The following GLG1 variants were observed in gnomAD, a reference collection of about 807,000 sequenced individuals.
GLG1 encodes the protein Golgi apparatus protein 1.
In GLG1, 38 loss-of-function variants were observed where a neutral mutation model predicts 160.5. That is an observed-to-expected ratio of 0.24 (90% CI 0.18 to 0.31). The LOEUF is 0.31. GLG1 is among the 10% of genes least tolerant of loss of function. The pLI is 1.00. For synonymous variants in GLG1, 644 were observed against 543.4 expected (o/e 1.19, Z -2.57); for missense variants, 1,373 against 1,505.2 (o/e 0.91, Z 1.45).
Position 74,496,684 on chromosome 16 carries a change from A to G in GLG1, c.775-40T>C, listed in dbSNP as rs370850575. The G allele has an allele frequency of 3.2e-5, 41 of 1,282,040 alleles. No individual in the cohort carries two copies. In the African/African-American group the frequency reaches 5.6e-4, roughly 17 times the overall value. The allele number at this position is 1,282,040 out of a possible 1,614,324, so 79.4% of individuals were successfully genotyped here. ...ATATTAATATTTTAAAACTTTTATCACATGGGTTTCAAATAAACAACATTT... is the reference window on the plus strand; with the variant it reads ...ATATTAATATTTTAAAACTTTTATCGCATGGGTTTCAAATAAACAACATTT... On this transcript the variant is annotated intron_variant, in intron 4 of 25. Transcript: ENST00000422840.
chr16:74,523,812 T>G (rs1026457501), intron 2 of GLG1, among the ~76,000 whole-genome samples: 1 of 152,200 alleles, frequency 6.6e-6, no homozygotes, highest in Non-Finnish European at 1.5e-5. Context: ...GTTCATCTGT[T>G]AAGTACTTGC....
intron 1 of GLG1, among the ~76,000 whole-genome samples, chr16:74,551,945 T>C (rs992156073): frequency 1.3e-5 from 2 of 151,524 alleles, no homozygotes; most frequent in Non-Finnish European, 2.9e-5. Context: ...AATATCTTTC[T>C]AGTTTTCCTT....
At chr16:74,575,121 C>CCTG (rs2018965111) in intron 1 of GLG1, among the ~76,000 whole-genome samples, 3 of 145,854 alleles carry the variant, frequency 2.1e-5, no homozygotes, top group Non-Finnish European at 4.5e-5. Context: ...ATGGTGGGTG[C>CCTG]CTGTAATCCC....
At chr16:74,506,086 T>TC (rs1261900560) in intron 3 of GLG1, among the ~76,000 whole-genome samples, 1 of 148,740 alleles carries the variant, frequency 6.7e-6, no homozygotes, top group East Asian at 1.9e-4. Context: ...AAAAGATTTT[T>TC]TTTTTTTTTT....
intron 1 of GLG1, among the ~76,000 whole-genome samples, chr16:74,590,538 G>C (rs1055130716): frequency 1.3e-5 from 2 of 150,026 alleles, no homozygotes; most frequent in Non-Finnish European, 3.0e-5. Context: ...GGAGAATGGC[G>C]TGAATCCAGG....
chr16:74,545,577 T>C (rs1181871512), intron 1 of GLG1, among the ~76,000 whole-genome samples: 1 of 152,264 alleles, frequency 6.6e-6, no homozygotes, highest in Non-Finnish European at 1.5e-5. Flanking sequence ...TACACAAATT[T>C]AAATTCAGAT....
intron 1 of GLG1, among the ~76,000 whole-genome samples, chr16:74,560,907 T>C (rs564146067): frequency 3.9e-5 from 6 of 152,332 alleles, no homozygotes; most frequent in Non-Finnish European, 5.9e-5. Flanking sequence ...AAGTAAGATA[T>C]GTTTTTGTAA....
chr16:74,494,653 C>T, intron 6 of GLG1, 107 bp downstream of exon 6: 1 of 539,462 alleles, frequency 1.9e-6, no homozygotes, highest in Admixed American at 2.4e-5. Context: ...GATCCACCTG[C>T]CTCAGCCTCC....
intron 1 of GLG1, among the ~76,000 whole-genome samples, chr16:74,572,340 G>A (rs1210700352): frequency 6.6e-6 from 1 of 151,910 alleles, no homozygotes; most frequent in Non-Finnish European, 1.5e-5. Flanking sequence ...GTGAAACCCC[G>A]TCTCTACCAA....
At chr16:74,478,153 G>T (rs936652408) in intron 11 of GLG1, among the ~76,000 whole-genome samples, 1 of 152,120 alleles carries the variant, frequency 6.6e-6, no homozygotes, top group Non-Finnish European at 1.5e-5. Flanking sequence ...TTCAGACTAG[G>T]TTAGTTGGAA....
rs1167229432 is a variant in GLG1, at chr16:74,480,148, T to C, written c.1827+93A>G. ...TCCCCACAAAATAGTCTAAAAAGTT[T>C]TCCTAATATGACTGAAATCAGAAGA... On this transcript the variant is annotated intron_variant, in intron 11 of 25. Coordinates refer to ENST00000422840, the MANE Select transcript of GLG1 (RefSeq NM_001145667.2). 27 of 1,058,988 alleles carry C rather than the reference T, an allele frequency of 2.5e-5. No homozygotes were observed. In the East Asian group the frequency reaches 4.7e-4, roughly 19 times the overall value. 65.6% of individuals were successfully genotyped at this position (1,058,988 alleles called of 1,614,324 possible).
chr16:74,489,463 C>A (rs2015906196), intron 8 of GLG1, among the ~76,000 whole-genome samples: 1 of 151,088 alleles, frequency 6.6e-6, no homozygotes, highest in Non-Finnish European at 1.5e-5. Context: ...AAGAGTGAGA[C>A]TCTGTCTCAA....
chr16:74,561,713 G>A (rs1399824355), intron 1 of GLG1, among the ~76,000 whole-genome samples: 3 of 152,148 alleles, frequency 2.0e-5, no homozygotes, highest in Admixed American at 2.0e-4. Context: ...CACCTGAATT[G>A]GAGATACAAA....
chr16:74,488,696 T>C (rs1005975892), intron 8 of GLG1, among the ~76,000 whole-genome samples: 2 of 152,164 alleles, frequency 1.3e-5, no homozygotes, highest in Admixed American at 6.5e-5. Context: ...CTCAGCTTAC[T>C]GTAACCTCTG....
chr16:74,481,200 CTCT>C (rs1235589905), intron 10 of GLG1, among the ~76,000 whole-genome samples: 14 of 152,308 alleles, frequency 9.2e-5, no homozygotes, highest in African/African-American at 3.1e-4. Flanking sequence ...TCAGTTTTCT[CTCT>C]TCTTCCTGTG....
chr16:74,521,455 A>C (rs898654026), intron 2 of GLG1, among the ~76,000 whole-genome samples: 6 of 152,100 alleles, frequency 3.9e-5, no homozygotes, highest in Non-Finnish European at 7.4e-5. Flanking sequence ...AAAATGGCCA[A>C]ATTCAGGATA....
intron 1 of GLG1, among the ~76,000 whole-genome samples, chr16:74,588,590 T>C (rs1429963665): frequency 6.6e-6 from 1 of 152,062 alleles, no homozygotes; most frequent in Non-Finnish European, 1.5e-5. Context: ...GACTAATTTT[T>C]GTATGTTTTG....
At chr16:74,505,850 T>C (rs2016580684) in intron 3 of GLG1, among the ~76,000 whole-genome samples, 1 of 151,156 alleles carries the variant, frequency 6.6e-6, no homozygotes, top group Admixed American at 6.6e-5. Flanking sequence ...GCGAGACTAC[T>C]TCTCTAAACA....
At chr16:74,484,995 C>G (rs1338935951) in intron 9 of GLG1, among the ~76,000 whole-genome samples, 1 of 152,034 alleles carries the variant, frequency 6.6e-6, no homozygotes, top group African/African-American at 2.4e-5. Context: ...CTCACTGTAA[C>G]CTTGAACTCC....
Sources: allele counts gnomAD v4.1 joint callset (sites outside exome capture counted in the v4.1 genomes callset), GRCh38; gene constraint gnomAD v4.1.1; transcripts MANE v1.5; gene names NCBI Gene and HGNC (gene_info 2026-07-23, HGNC 2026-07-21).